DLEU7: variants seen among roughly 807,000 people sequenced by gnomAD.
DLEU7 encodes the protein leukemia-associated protein 7.
DLEU7 carries 17 observed loss-of-function variants against 16.0 expected under a neutral mutation model. The observed-to-expected ratio is 1.06, with a 90% CI of 0.73 to 1.59. The LOEUF is 1.59. Among genes scored for constraint, DLEU7 ranks in the 40% most tolerant of loss-of-function variants. DLEU7 has a pLI of 0.00. For missense variants in DLEU7, 308 were observed against 314.9 expected (o/e 0.98, Z 0.17); for synonymous variants, 113 against 139.8 (o/e 0.81, Z 1.35).
intron 1 of DLEU7, among the ~76,000 whole-genome samples, chr13:50,733,931 C>T (rs569624193): frequency 1.8e-4 from 27 of 152,264 alleles, no homozygotes; most frequent in African/African-American, 6.3e-4. Context: ...TCTGGGATTC[C>T]GACTCTGATA....
rs139415397 is a variant in DLEU7 at position 50,796,160 on chromosome 13, A to C, written c.459+47028T>G. On this transcript the variant is annotated intron_variant, in intron 1 of 1. Coordinates refer to the DLEU7 transcript ENST00000400393. ...TAGAGTACTGAACTCTATATATTTT[A>C]TATTTTTTCCTATACTTACATACCT... is the stretch of plus-strand genomic sequence containing the variant. 4.2e-3 allele frequency among the ~76,000 whole-genome samples: 640 copies of C among 152,212 alleles called. 3 individuals carry two copies. The highest frequency in any genetic ancestry group is 0.015 in the African/African-American group (612 of 41,524).
chr13:50,738,498 C>T (rs112816670), intron 1 of DLEU7, among the ~76,000 whole-genome samples: 1 of 152,072 alleles, frequency 6.6e-6, no homozygotes, highest in Non-Finnish European at 1.5e-5. Context: ...ATTGCCTGCA[C>T]CCAGGGTAGG....
intron 1 of DLEU7, among the ~76,000 whole-genome samples, chr13:50,781,850 T>C (rs939296850): frequency 2.0e-5 from 3 of 152,200 alleles, no homozygotes; most frequent in African/African-American, 7.2e-5. Context: ...GATTAAAAAA[T>C]AGATGGCTTT....
chr13:50,744,759 G>A (rs137880403), intron 1 of DLEU7, among the ~76,000 whole-genome samples: 96 of 152,218 alleles, frequency 6.3e-4, no homozygotes, highest in African/African-American at 2.2e-3. Context: ...AATGAACAAA[G>A]TACTTGAATA....
At chr13:50,788,290 G>T (rs2137771018) in intron 1 of DLEU7, among the ~76,000 whole-genome samples, 1 of 152,200 alleles carries the variant, frequency 6.6e-6, no homozygotes, top group Admixed American at 6.5e-5. Flanking sequence ...CTCATGGCTG[G>T]ACCACATTCC....
At chr13:50,781,898 A>G (rs1209585279) in intron 1 of DLEU7, among the ~76,000 whole-genome samples, 1 of 152,244 alleles carries the variant, frequency 6.6e-6, no homozygotes, top group Non-Finnish European at 1.5e-5. Context: ...GAAAATCTTG[A>G]AATTTGATGC....
At chr13:50,749,012 C>T (rs914061111) in intron 1 of DLEU7, among the ~76,000 whole-genome samples, 3 of 151,998 alleles carry the variant, frequency 2.0e-5, no homozygotes, top group Non-Finnish European at 4.4e-5. Context: ...ACATTGTACC[C>T]TATTTGTAGT....
chr13:50,786,947 T>A (rs1875807010), intron 1 of DLEU7, among the ~76,000 whole-genome samples: 1 of 152,202 alleles, frequency 6.6e-6, no homozygotes, highest in African/African-American at 2.4e-5. Context: ...AGTCTTCAAA[T>A]TAACAAGTGA....
chr13:50,831,391 A>G (rs2137809218), intron 1 of DLEU7, among the ~76,000 whole-genome samples: 1 of 152,272 alleles, frequency 6.6e-6, no homozygotes, highest in East Asian at 1.9e-4. Flanking sequence ...ATACTACAAG[A>G]TAGATAGGTG....
chr13:50,749,618 T>A (rs9535478), intron 1 of DLEU7, among the ~76,000 whole-genome samples: 10,483 of 152,218 alleles, frequency 0.069, 502 homozygotes, highest in Admixed American at 0.13. Context: ...GATTTTTTTT[T>A]ATTATGGCCA....
At chr13:50,825,376 T>G (rs553311362) in intron 1 of DLEU7, among the ~76,000 whole-genome samples, 1 of 152,300 alleles carries the variant, frequency 6.6e-6, no homozygotes, top group South Asian at 2.1e-4. Flanking sequence ...TTTCTAATAC[T>G]TATGTGTCAC....
intron 1 of DLEU7, among the ~76,000 whole-genome samples, chr13:50,803,779 T>C (rs1412622155): frequency 6.6e-6 from 1 of 152,160 alleles, no homozygotes; most frequent in Admixed American, 6.5e-5. Context: ...ATTACACGTG[T>C]AGCTTACATT....
intron 1 of DLEU7, among the ~76,000 whole-genome samples, chr13:50,802,650 A>C (rs561220431): frequency 4.6e-5 from 7 of 152,328 alleles, no homozygotes; most frequent in African/African-American, 1.7e-4. Flanking sequence ...TAGGTCATAC[A>C]TATTTGGGGT....
At chr13:50,780,913 G>A (rs1875631891) in intron 1 of DLEU7, among the ~76,000 whole-genome samples, 1 of 152,080 alleles carries the variant, frequency 6.6e-6, no homozygotes, top group Admixed American at 6.5e-5. Context: ...TGCCAGATAG[G>A]TTTCCATTCC....
intron 1 of DLEU7, among the ~76,000 whole-genome samples, chr13:50,795,757 G>A (rs533455317): frequency 2.0e-5 from 3 of 152,078 alleles, no homozygotes; most frequent in East Asian, 3.9e-4. Flanking sequence ...CTCACACTGC[G>A]ATTATTTTTA....
At chr13:50,800,918 TTA>T (rs1314432885) in intron 1 of DLEU7, among the ~76,000 whole-genome samples, 2 of 152,090 alleles carry the variant, frequency 1.3e-5, no homozygotes, top group East Asian at 3.9e-4. Context: ...CCCTCACACT[TTA>T]TGTTTCCCCA....
chr13:50,739,207 C>T (rs926030785), intron 1 of DLEU7, among the ~76,000 whole-genome samples: 1 of 152,146 alleles, frequency 6.6e-6, no homozygotes, highest in African/African-American at 2.4e-5. Context: ...CTTCTCGGAC[C>T]TCTCAGGCTG....
rs998138435 is a variant in DLEU7, at chr13:50,843,490, G to A, written c.157C>T (p.Arg53Cys). ...PDHVSTAPARRSGPPRARPGP... is the reference protein window; with the variant it reads ...PDHVSTAPARCSGPPRARPGP... ...GGCCGGGCCCGCGGCGGGCCTGAGC[G>A]ACGGGCTGGAGCGGTGGACACGTGG... Residue 53 changes from arginine to cysteine, a missense_variant, in exon 1 of 2, where the codon CGC (arginine) becomes TGC (cysteine). Arg to Cys is a radical substitution (Grantham distance 180, BLOSUM62 -3). Transcript: ENST00000504404. The surrounding 1 kb of genome is among the most constrained non-coding windows in gnomAD (Gnocchi z 5.7). 2 of 1,359,682 alleles carry A rather than the reference G, an allele frequency of 1.5e-6. No individual in the cohort carries two copies. Among genetic ancestry groups the A allele is most frequent in the Admixed American group, 4.1e-5 (1 of 24,278 alleles). The allele number at this position is 1,359,682 out of a possible 1,614,324, so 84.2% of individuals were successfully genotyped here.
chr13:50,841,394 T>C (rs1877653362), intron 1 of DLEU7, among the ~76,000 whole-genome samples: 1 of 152,068 alleles, frequency 6.6e-6, no homozygotes, highest in Non-Finnish European at 1.5e-5. Context: ...AAATAACATG[T>C]ATTTTTTTTT....
Sources: gnomAD v4.1 joint callset for allele counts (sites outside exome capture counted in the v4.1 genomes callset) on GRCh38, gnomAD v4.1.1 for gene constraint, Gnocchi (gnomAD v3.1) non-coding constraint, MANE v1.5 for transcripts, NCBI Gene and HGNC (gene_info 2026-07-23, HGNC 2026-07-21) for gene names.